Variants in EML4 observed in about 807,000 individuals in gnomAD.
The protein encoded by EML4 is EMAP like 4, also known as echinoderm microtubule-associated protein-like 4.
EML4 carries 72 observed loss-of-function variants against 129.0 expected under a neutral mutation model. The ratio of observed to expected loss-of-function variants is 0.56; its 90% confidence interval spans 0.46 to 0.68. The LOEUF is 0.68. Among genes scored for constraint, EML4 ranks in the 30% least tolerant of loss-of-function variants. The probability of loss-of-function intolerance (pLI) is 0.00; values close to 1 mark genes in which losing one functional copy is unlikely to be tolerated. For synonymous variants in EML4, 532 were observed against 405.0 expected (o/e 1.31, Z -3.77); for missense variants, 1,363 against 1,190.6 (o/e 1.14, Z -2.13).
intron 1 of EML4, among the ~76,000 whole-genome samples, chr2:42,180,306 G>C (rs1004588885): frequency 2.6e-5 from 4 of 152,202 alleles, no homozygotes; most frequent in South Asian, 2.1e-4. Context: ...ACCAGAGGTA[G>C]CTGTGGTTCA....
chr2:42,272,077 CAAAA>C (rs35948547), intron 6 of EML4, among the ~76,000 whole-genome samples: 35 of 101,154 alleles, frequency 3.5e-4, no homozygotes, highest in Admixed American at 2.9e-3. Context: ...CACTCCATCT[CAAAA>C]AAAAAAAAAA....
chr2:42,313,110 G>A lies in EML4; in HGVS notation c.1968-2852G>A, dbSNP rs371130508. Among the ~76,000 whole-genome samples the A allele has an allele frequency of 4.0e-5, 6 of 151,546 alleles. No individual in the cohort carries two copies. The East Asian group carries it at 9.8e-4, about 25-fold the overall frequency. ...ACTACAGGCGCCTGCTACCATGCCT[G>A]GCTAATTTTTTATATTCTTAGTAGA... On this transcript the variant is annotated intron_variant, in intron 17 of 22. Coordinates refer to ENST00000318522, the MANE Select transcript of EML4 (RefSeq NM_019063.5).
intron 17 of EML4, among the ~76,000 whole-genome samples, chr2:42,310,298 C>CCCCTTT (rs1668861977): frequency 6.6e-6 from 1 of 151,308 alleles, no homozygotes. Context: ...CCTTCCCATT[C>CCCCTTT]CCCTTTCCCT....
At chr2:42,252,166 CTT>C (rs1675816731) in intron 2 of EML4, among the ~76,000 whole-genome samples, 1 of 152,132 alleles carries the variant, frequency 6.6e-6, no homozygotes, top group South Asian at 2.1e-4. Context: ...TTAGTGATAA[CTT>C]TACTGTGTTA....
chr2:42,174,462 T>C lies in EML4; in HGVS notation c.25+4826T>C, dbSNP rs1179746507. 3.9e-5 allele frequency among the ~76,000 whole-genome samples: 6 copies of C among 152,250 alleles called. No individual in the cohort carries two copies. The East Asian group carries it at 9.7e-4, about 25-fold the overall frequency. On this transcript the variant is annotated intron_variant, in intron 1 of 22. Coordinates refer to ENST00000318522, the MANE Select transcript of EML4 (RefSeq NM_019063.5). ...TGTACCACCACACCTGGCTAATTTT[T>C]GTATTTTTAGTAGAGACAGGTTTTC...
intron 1 of EML4, among the ~76,000 whole-genome samples, chr2:42,201,957 C>T (rs897203311): frequency 2.0e-5 from 3 of 152,094 alleles, no homozygotes; most frequent in East Asian, 3.9e-4. Flanking sequence ...GTGCTGCGCA[C>T]CTGTAATCCC....
intron 6 of EML4, chr2:42,265,014 G>A (rs1255349454): frequency 6.2e-6 from 9 of 1,447,200 alleles, no homozygotes; most frequent in Middle Eastern, 1.7e-4. Flanking sequence ...CTCTTATTTG[G>A]CTTTTTATTA....
At chr2:42,261,892 G>A (rs1665762295) in intron 4 of EML4, among the ~76,000 whole-genome samples, 1 of 152,118 alleles carries the variant, frequency 6.6e-6, no homozygotes, top group Non-Finnish European at 1.5e-5. Context: ...TATGAGAAGG[G>A]GAAAAGGGAG....
At chr2:42,185,350 C>G (rs564360558) in intron 1 of EML4, among the ~76,000 whole-genome samples, 2 of 152,270 alleles carry the variant, frequency 1.3e-5, no homozygotes, top group Non-Finnish European at 2.9e-5. Flanking sequence ...TACTCATTGA[C>G]TTAGGGATTG....
At chr2:42,293,852 AC>A (rs1432285813) in intron 11 of EML4, among the ~76,000 whole-genome samples, 1 of 151,754 alleles carries the variant, frequency 6.6e-6, no homozygotes, top group African/African-American at 2.4e-5. Flanking sequence ...GTCGTGATCC[AC>A]CCGCCTCAGC....
At chr2:42,204,488 A>G (rs1006818109) in intron 1 of EML4, among the ~76,000 whole-genome samples, 3 of 152,224 alleles carry the variant, frequency 2.0e-5, no homozygotes, top group African/African-American at 7.2e-5. Flanking sequence ...TAAAATAGCC[A>G]TTGACAGTAC....
At chr2:42,228,744 C>G (rs1399957698) in intron 1 of EML4, among the ~76,000 whole-genome samples, 1 of 152,112 alleles carries the variant, frequency 6.6e-6, no homozygotes, top group South Asian at 2.1e-4. Flanking sequence ...TCTGTCAGGA[C>G]AAGTGTTGTA....
intron 1 of EML4, among the ~76,000 whole-genome samples, chr2:42,239,591 T>C (rs1674886882): frequency 6.6e-6 from 1 of 152,214 alleles, no homozygotes; most frequent in African/African-American, 2.4e-5. Context: ...TTACTTTTTT[T>C]CTTAATGAGT....
At chr2:42,199,499 A>G (rs1228093477) in intron 1 of EML4, among the ~76,000 whole-genome samples, 2 of 152,204 alleles carry the variant, frequency 1.3e-5, no homozygotes, top group African/African-American at 4.8e-5. Context: ...CTTTTGGAGT[A>G]ATCATATGTG....
intron 1 of EML4, among the ~76,000 whole-genome samples, chr2:42,194,238 C>G (rs1671769676): frequency 6.6e-6 from 1 of 151,812 alleles, no homozygotes; most frequent in South Asian, 2.1e-4. Context: ...TAAGATTAGG[C>G]AAAGTATATT....
chr2:42,307,979 A>T (rs1184665677), intron 17 of EML4, among the ~76,000 whole-genome samples: 1 of 152,242 alleles, frequency 6.6e-6, no homozygotes. Context: ...AGTAGAATGC[A>T]ACACATGTCC....
At chr2:42,221,701 T>C (rs905048606) in intron 1 of EML4, among the ~76,000 whole-genome samples, 6 of 152,006 alleles carry the variant, frequency 3.9e-5, no homozygotes, top group Non-Finnish European at 4.4e-5. Context: ...CCTCCTGGGT[T>C]CAAGGGATTC....
chr2:42,266,899 A>C (rs894594408), intron 6 of EML4, among the ~76,000 whole-genome samples: 1 of 152,236 alleles, frequency 6.6e-6, no homozygotes, highest in Non-Finnish European at 1.5e-5. Flanking sequence ...CTACTGAAAT[A>C]GGGAACATTT....
chr2:42,272,619 C>G (rs1034929262), intron 6 of EML4, among the ~76,000 whole-genome samples: 1 of 152,156 alleles, frequency 6.6e-6, no homozygotes. Context: ...AAATATTTCA[C>G]TCAGTTAACT....
Sources: allele counts gnomAD v4.1 joint callset (sites outside exome capture counted in the v4.1 genomes callset), GRCh38; gene constraint gnomAD v4.1.1; transcripts MANE v1.5; gene names NCBI Gene and HGNC (gene_info 2026-07-23, HGNC 2026-07-21).